The following PARD3B variants were observed in gnomAD, a reference collection of about 807,000 sequenced individuals.
The protein encoded by PARD3B is partitioning defective 3 homolog B.
In PARD3B, 103 loss-of-function variants were observed where a neutral mutation model predicts 130.2. That is an observed-to-expected ratio of 0.79 (90% confidence interval 0.67 to 0.93). The LOEUF is 0.93. Among genes scored for constraint, PARD3B ranks in the 40% least tolerant of loss-of-function variants. The probability of loss-of-function intolerance (pLI) is 0.00; values close to 1 mark genes in which losing one functional copy is unlikely to be tolerated. For synonymous variants in PARD3B, 583 were observed against 553.2 expected, an observed-to-expected ratio of 1.05 and a Z score of -0.76; for missense variants, 1,609 against 1,499.2, an observed-to-expected ratio of 1.07 and a Z score of -1.21.
chr2:205,541,618 G>T, intron 21 of PARD3B, among the ~76,000 whole-genome samples: 1 of 151,994 alleles, frequency 6.6e-6, no homozygotes, highest in East Asian at 1.9e-4. Flanking sequence ...AAAGTGCTGG[G>T]ATTACAGGCG....
intron 10 of PARD3B, among the ~76,000 whole-genome samples, chr2:205,137,604 G>C (rs371762601): frequency 6.6e-6 from 1 of 152,040 alleles, no homozygotes; most frequent in Non-Finnish European, 1.5e-5. Flanking sequence ...ATTATTTCTC[G>C]CAGTTCTGTG....
At position 205,575,417 on chromosome 2, in the gene PARD3B, C is replaced by T. The variant is rs948361071; in HGVS notation, c.3260+22014C>T. Among the ~76,000 whole-genome samples the T allele has an allele frequency of 2.6e-5, 4 of 151,882 alleles. No individual in the cohort carries two copies. Among genetic ancestry groups the T allele is most frequent in the African/African-American group, 7.3e-5 (3 of 41,346 alleles). ...CCCATAGTTTACATTAGCGCTCTCT[C>T]GGTGTTGTTCATTCTGTGGGTTTGG... On this transcript the variant is annotated intron_variant, in intron 22 of 22. Transcript: ENST00000406610. This position sits in a 1 kb window ranked among gnomAD's most constrained non-coding sequence, Gnocchi z 4.6.
rs190919863 is a variant in PARD3B at position 205,156,390 on chromosome 2, T to C, written c.1435-2332T>C. 3.5e-3 allele frequency among the ~76,000 whole-genome samples: 537 copies of C among 151,784 alleles called. 4 individuals are homozygous for C. Among genetic ancestry groups the C allele is most frequent in the Non-Finnish European group, 5.3e-3 (360 of 67,900 alleles). The stretch of plus-strand genomic sequence containing the variant: ...AACTAACCTGCACATTGTGCACATG[T>C]ACCCTAAAACTTAAAGTATAATAAT... On this transcript the variant is annotated intron_variant, in intron 10 of 22. Transcript: ENST00000406610.
chr2:205,498,016 A>AAC (rs57531393), intron 20 of PARD3B, among the ~76,000 whole-genome samples: 5,070 of 142,012 alleles, frequency 0.036, 116 homozygotes, highest in African/African-American at 0.049. Flanking sequence ...GTCTCTACTA[A>AAC]ACACACACAC....
intron 2 of PARD3B, among the ~76,000 whole-genome samples, chr2:204,772,177 C>T (rs2041415713): frequency 6.6e-6 from 1 of 151,946 alleles, no homozygotes; most frequent in Non-Finnish European, 1.5e-5. Flanking sequence ...TTATATATAA[C>T]TTAGTTTTGA....
At chr2:204,714,978 A>T (rs1329250940) in intron 2 of PARD3B, among the ~76,000 whole-genome samples, 1 of 152,226 alleles carries the variant, frequency 6.6e-6, no homozygotes. Context: ...AAGAGTTGAC[A>T]AATTATCCTT....
intron 2 of PARD3B, among the ~76,000 whole-genome samples, chr2:204,751,948 A>C (rs1260903989): frequency 6.6e-6 from 1 of 152,196 alleles, no homozygotes; most frequent in Non-Finnish European, 1.5e-5. Flanking sequence ...CATCTTGTTC[A>C]TAAGATCTGT....
intron 22 of PARD3B, among the ~76,000 whole-genome samples, chr2:205,573,520 AAAGT>A (rs1448883724): frequency 2.6e-5 from 4 of 152,210 alleles, no homozygotes; most frequent in African/African-American, 9.7e-5. Flanking sequence ...TGAGATTTGA[AAAGT>A]ATGTATGAAA....
intron 20 of PARD3B, among the ~76,000 whole-genome samples, chr2:205,474,930 A>C (rs1405825815): frequency 1.3e-5 from 2 of 152,090 alleles, no homozygotes; most frequent in East Asian, 3.9e-4. Context: ...GCCTGTTCCA[A>C]ATTACCACTA....
chr2:205,559,681 T>TCCGCCTCCCCGCAACC (rs1559217180), intron 22 of PARD3B, among the ~76,000 whole-genome samples: 83 of 148,710 alleles, frequency 5.6e-4, no homozygotes, highest in Admixed American at 5.4e-3. Context: ...TCACCGCAAC[T>TCCGCCTCCCCGCAACC]TCCGCCTCCC....
chr2:204,554,862 C>T (rs191198658), intron 1 of PARD3B, among the ~76,000 whole-genome samples: 142 of 152,254 alleles, frequency 9.3e-4, no homozygotes, highest in African/African-American at 3.3e-3. Flanking sequence ...GCCCTGCTTG[C>T]GAAGCGGGGC....
At chr2:205,123,863 A>T (rs1360736236) in intron 8 of PARD3B, among the ~76,000 whole-genome samples, 1 of 152,124 alleles carries the variant, frequency 6.6e-6, no homozygotes, top group Admixed American at 6.5e-5. Context: ...ACAGGACAGG[A>T]ACAACAAGAT....
intron 15 of PARD3B, among the ~76,000 whole-genome samples, chr2:205,203,730 G>T (rs1404537161): frequency 6.6e-6 from 1 of 152,104 alleles, no homozygotes; most frequent in Non-Finnish European, 1.5e-5. Flanking sequence ...GTGTTAGTTT[G>T]CTGAGAATGA....
At chr2:205,436,044 C>A (rs773829181) in intron 19 of PARD3B, among the ~76,000 whole-genome samples, 1 of 152,108 alleles carries the variant, frequency 6.6e-6, no homozygotes, top group Non-Finnish European at 1.5e-5. Context: ...TCTGGTGAGG[C>A]CCTGTTGCCC....
intron 10 of PARD3B, among the ~76,000 whole-genome samples, chr2:205,151,654 T>G (rs998532721): frequency 2.0e-5 from 3 of 152,232 alleles, no homozygotes; most frequent in African/African-American, 7.2e-5. Context: ...TCCCATTATT[T>G]TGAGCCTATT....
At chr2:204,827,043 A>C (rs929505881) in intron 2 of PARD3B, among the ~76,000 whole-genome samples, 1 of 152,108 alleles carries the variant, frequency 6.6e-6, no homozygotes, top group African/African-American at 2.4e-5. Flanking sequence ...CTATATTCTC[A>C]TAGGTTTTCG....
chr2:205,009,666 G>A (rs371944185), intron 3 of PARD3B, among the ~76,000 whole-genome samples: 12 of 86,212 alleles, frequency 1.4e-4, no homozygotes, highest in African/African-American at 4.7e-4. Flanking sequence ...GCGAGACTCC[G>A]TCTCAAAAAA....
At chr2:204,591,002 G>A (rs964894869) in intron 1 of PARD3B, among the ~76,000 whole-genome samples, 7 of 152,150 alleles carry the variant, frequency 4.6e-5, no homozygotes, top group Non-Finnish European at 7.4e-5. Context: ...TCCAGTTGGG[G>A]TTCAATAACT....
chr2:205,375,418 G>A (rs1208468011), intron 18 of PARD3B, among the ~76,000 whole-genome samples: 1 of 152,184 alleles, frequency 6.6e-6, no homozygotes, highest in Non-Finnish European at 1.5e-5. Flanking sequence ...AGAGCCCTCT[G>A]GGTCAGTGTA....
Sources: gnomAD v4.1 joint callset for allele counts (sites outside exome capture counted in the v4.1 genomes callset) on GRCh38, gnomAD v4.1.1 for gene constraint, Gnocchi (gnomAD v3.1) non-coding constraint, MANE v1.5 for transcripts, NCBI Gene and HGNC (gene_info 2026-07-23, HGNC 2026-07-21) for gene names.